NPAS3: variants seen among roughly 807,000 people sequenced by gnomAD.
NPAS3 encodes neuronal PAS domain protein 3.
NPAS3 carries 14 observed loss-of-function variants against 73.1 expected under a neutral mutation model. That is an observed-to-expected ratio of 0.19 (90% CI 0.13 to 0.30). The LOEUF is 0.30. Among genes scored for constraint, NPAS3 ranks in the 10% least tolerant of loss-of-function variants. The probability of loss-of-function intolerance (pLI) is 1.00; values close to 1 mark genes in which losing one functional copy is unlikely to be tolerated. For synonymous variants in NPAS3, 620 were observed against 541.5 expected, an observed-to-expected ratio of 1.14 and a Z score of -2.01; for missense variants, 1,096 against 1,250.0, an observed-to-expected ratio of 0.88 and a Z score of 1.86.
chr14:33,198,197 CAA>C (rs2046454408), intron 2 of NPAS3, among the ~76,000 whole-genome samples: 1 of 152,152 alleles, frequency 6.6e-6, no homozygotes, highest in African/African-American at 2.4e-5. Flanking sequence ...TGAGCAACAG[CAA>C]GAGTTATTGC....
At chr14:33,546,518 AGCCTT>A (rs1224577319) in intron 4 of NPAS3, among the ~76,000 whole-genome samples, 1 of 152,242 alleles carries the variant, frequency 6.6e-6, no homozygotes, top group Non-Finnish European at 1.5e-5. Context: ...AAAAGATTTC[AGCCTT>A]GAAGAAGCAA....
intron 2 of NPAS3, among the ~76,000 whole-genome samples, chr14:33,057,317 A>G (rs1002806656): frequency 1.1e-4 from 16 of 152,114 alleles, no homozygotes; most frequent in African/African-American, 3.9e-4. Flanking sequence ...TCATTTTAAA[A>G]AATTCTTTGT....
intron 2 of NPAS3, among the ~76,000 whole-genome samples, chr14:33,135,405 A>G (rs2043794720): frequency 6.6e-6 from 1 of 152,220 alleles, no homozygotes; most frequent in African/African-American, 2.4e-5. Context: ...TACAGGTTTA[A>G]ATTAGAGAAC....
intron 4 of NPAS3, among the ~76,000 whole-genome samples, chr14:33,512,222 G>C (rs1219241967): frequency 6.6e-6 from 1 of 151,982 alleles, no homozygotes; most frequent in Admixed American, 6.6e-5. Context: ...ATCCAAGCTA[G>C]TTGGCTCAGT....
chr14:33,250,926 C>A (rs996165508), intron 3 of NPAS3, among the ~76,000 whole-genome samples: 4 of 152,016 alleles, frequency 2.6e-5, no homozygotes, highest in African/African-American at 9.7e-5. Flanking sequence ...CTTGAAACAA[C>A]CAAACAAATG....
chr14:33,637,396 T>C (rs775291246), intron 5 of NPAS3, among the ~76,000 whole-genome samples: 22 of 152,220 alleles, frequency 1.4e-4, no homozygotes, highest in Non-Finnish European at 3.1e-4. Flanking sequence ...AATTTTGACC[T>C]ATCACATCAT....
chr14:33,245,823 A>G (rs1019231393), intron 3 of NPAS3, among the ~76,000 whole-genome samples: 5 of 152,130 alleles, frequency 3.3e-5, no homozygotes, highest in Non-Finnish European at 7.4e-5. Flanking sequence ...ATCTCATACT[A>G]TGGTGAATTA....
intron 4 of NPAS3, among the ~76,000 whole-genome samples, chr14:33,522,907 T>C (rs2053620603): frequency 6.6e-6 from 1 of 152,186 alleles, no homozygotes; most frequent in Non-Finnish European, 1.5e-5. Flanking sequence ...CTGAATGTTT[T>C]ACATTCATAT....
intron 1 of NPAS3, among the ~76,000 whole-genome samples, chr14:33,011,495 AGACT>A (rs2039194002): frequency 6.6e-6 from 1 of 152,128 alleles, no homozygotes; most frequent in Non-Finnish European, 1.5e-5. Context: ...AAACCCACAG[AGACT>A]TGTGGAGAAC....
rs146503930 is a variant in NPAS3 at position 33,675,441 on chromosome 14, GAGTT to G, written c.559-763_559-760del. The stretch of plus-strand genomic sequence containing the variant: ...ATTTGATATTCATTCTCTGCCTTTA[GAGTT>G]AGTTAGAGAGTTAGCCTGATTCAAA... On this transcript the variant is annotated intron_variant, in intron 5 of 11. Coordinates refer to ENST00000356141, the Ensembl canonical transcript of NPAS3. Among the ~76,000 whole-genome samples, 191 of 152,242 alleles carry G rather than the reference GAGTT, an allele frequency of 1.3e-3. 2 individuals are homozygous for G. In the East Asian group the frequency reaches 0.028, roughly 23 times the overall value.
chr14:33,192,894 G>GCGCCT (rs2046221444), intron 2 of NPAS3, among the ~76,000 whole-genome samples: 2 of 152,134 alleles, frequency 1.3e-5, no homozygotes, highest in Non-Finnish European at 2.9e-5. Flanking sequence ...CTTTTAAGTG[G>GCGCCT]CACCTTCTGT....
chr14:33,292,606 G>A (rs2042145436), intron 3 of NPAS3, among the ~76,000 whole-genome samples: 1 of 152,074 alleles, frequency 6.6e-6, no homozygotes, highest in Admixed American at 6.6e-5. Context: ...GTGATTTTCA[G>A]TTTTTATTTT....
At chr14:33,669,025 A>G (rs2059536417) in intron 5 of NPAS3, among the ~76,000 whole-genome samples, 1 of 152,220 alleles carries the variant, frequency 6.6e-6, no homozygotes, top group Admixed American at 6.5e-5. Flanking sequence ...AATGACAAAT[A>G]CGGAAACATG....
chr14:33,696,404 A>G (rs2060381981), intron 6 of NPAS3, among the ~76,000 whole-genome samples: 1 of 152,200 alleles, frequency 6.6e-6, no homozygotes, highest in Non-Finnish European at 1.5e-5. Context: ...TGAAACGAGT[A>G]TTTATTCACA....
intron 1 of NPAS3, among the ~76,000 whole-genome samples, chr14:32,952,486 C>A (rs949613987): frequency 2.0e-5 from 3 of 151,888 alleles, no homozygotes; most frequent in African/African-American, 7.3e-5. Flanking sequence ...ACATGAAAAA[C>A]CTTTAGTGTG....
chr14:33,254,900 T>C (rs2048719878), intron 3 of NPAS3, among the ~76,000 whole-genome samples: 1 of 152,068 alleles, frequency 6.6e-6, no homozygotes, highest in Non-Finnish European at 1.5e-5. Context: ...TATGGAAATA[T>C]ATATTCATGG....
intron 1 of NPAS3, among the ~76,000 whole-genome samples, chr14:32,967,774 G>A (rs905511461): frequency 1.3e-5 from 2 of 151,228 alleles, no homozygotes; most frequent in African/African-American, 4.9e-5. Flanking sequence ...CAGCATGTGG[G>A]GGGGGGTCCT....
intron 5 of NPAS3, among the ~76,000 whole-genome samples, chr14:33,655,786 C>T (rs2059129067): frequency 6.6e-6 from 1 of 152,002 alleles, no homozygotes; most frequent in Admixed American, 6.6e-5. Flanking sequence ...AGAACTTGTA[C>T]CCCCTCATAT....
intron 3 of NPAS3, among the ~76,000 whole-genome samples, chr14:33,326,384 C>T (rs530048120): frequency 1.3e-5 from 2 of 152,168 alleles, no homozygotes; most frequent in South Asian, 2.1e-4. Flanking sequence ...ACAAAAGCAT[C>T]GTATTTGGAG....
Sources: gnomAD v4.1 joint callset for allele counts (sites outside exome capture counted in the v4.1 genomes callset) on GRCh38, gnomAD v4.1.1 for gene constraint, MANE v1.5 for transcripts, NCBI Gene and HGNC (gene_info 2026-07-23, HGNC 2026-07-21) for gene names.